Variants in ABR observed in about 807,000 individuals in gnomAD.
ABR encodes active breakpoint cluster region-related protein.
ABR carries 35 observed loss-of-function variants against 107.2 expected under a neutral mutation model. The observed-to-expected ratio is 0.33, with a 90% CI of 0.25 to 0.43. The LOEUF (loss-of-function observed/expected upper bound fraction) is 0.43. Ranked by LOEUF, ABR falls within the 20% of genes least tolerant of loss-of-function variation. The pLI, the probability that ABR is intolerant of heterozygous loss-of-function variation, is 1.00. For missense variants in ABR, 815 were observed against 1,115.2 expected, an observed-to-expected ratio of 0.73 and a Z score of 3.83; for synonymous variants, 498 against 462.0, an observed-to-expected ratio of 1.08 and a Z score of -1.00.
In ABR at chr17:1,079,193, G is replaced by A. The variant is rs2036002323; in HGVS notation, c.700+137C>T. 2.3e-5 allele frequency: 34 copies of A among 1,480,638 alleles called. 1 individual carries two copies. The East Asian group carries it at 4.7e-4, about 21-fold the overall frequency. The allele number at this position is 1,480,638 out of a possible 1,614,324, so 91.7% of individuals were successfully genotyped here. On this transcript the variant is annotated intron_variant, in intron 6 of 22. Transcript: ENST00000302538. ...ACGCGCACTCAGCTCACACTCACAC[G>A]CGCTCACACACGCTCACGCTCACAC...
chr17:1,019,042 C>T (rs1004644160), intron 16 of ABR, among the ~76,000 whole-genome samples: 1 of 152,298 alleles, frequency 6.6e-6, no homozygotes, highest in East Asian at 1.9e-4. Context: ...CTGCTGCTTC[C>T]TCAGAAAGGC....
chr17:1,109,122 CGGGAGGA>C (rs983798909), intron 2 of ABR: 103 of 1,130,994 alleles, frequency 9.1e-5, no homozygotes, highest in East Asian at 2.5e-4. Context: ...GCAGCGGCGG[CGGGAGGA>C]GGGAGGAGGG....
chr17:1,201,472 G>A (rs546483928), intron 1 of ABR, among the ~76,000 whole-genome samples: 58 of 152,062 alleles, frequency 3.8e-4, no homozygotes, highest in Non-Finnish European at 7.2e-4. Context: ...TTATGTGAGC[G>A]TGTATAACAC....
Position 1,004,932 on chromosome 17 carries a change from G to A in ABR, c.*1148C>T. ...AAAATCTAAGGCAAGAGTACCACGAGGTCCTGCGGTGCCAGGGAGCTCCTG... is the reference window on the plus strand; with the variant it reads ...AAAATCTAAGGCAAGAGTACCACGAAGTCCTGCGGTGCCAGGGAGCTCCTG... On this transcript the variant is annotated 3_prime_UTR_variant, in exon 23 of 23. Transcript: ENST00000302538. 1 of 398,542 alleles carries A rather than the reference G, an allele frequency of 2.5e-6. No homozygotes were observed. The highest frequency in any genetic ancestry group is 4.4e-5 in the Admixed American group (1 of 22,738). The allele number at this position is 398,542 out of a possible 1,614,324, so 24.7% of individuals were successfully genotyped here.
chr17:1,152,168 T>TA (rs1241583615), intron 1 of ABR, among the ~76,000 whole-genome samples: 1 of 152,144 alleles, frequency 6.6e-6, no homozygotes, highest in Non-Finnish European at 1.5e-5. Context: ...CAGGTGCCTG[T>TA]AGTCCCATCT....
At chr17:1,110,245 T>C (rs1176544906) in intron 2 of ABR, among the ~76,000 whole-genome samples, 1 of 151,884 alleles carries the variant, frequency 6.6e-6, no homozygotes, top group African/African-American at 2.4e-5. Flanking sequence ...AGTTCCCAGA[T>C]GCACATACAC....
intron 1 of ABR, among the ~76,000 whole-genome samples, chr17:1,170,018 T>G (rs796408088): frequency 3.1e-3 from 411 of 131,508 alleles, no homozygotes; most frequent in African/African-American, 9.1e-3. Flanking sequence ...GGGGGGGGGG[T>G]GTGTTTGTGT....
At chr17:1,087,890 G>T (rs58948008) in intron 4 of ABR, among the ~76,000 whole-genome samples, 79,640 of 151,994 alleles carry the variant, frequency 0.52, 21,124 homozygotes, top group Middle Eastern at 0.62. Flanking sequence ...CACCCCAGGC[G>T]GTAGGGCCCG....
intron 5 of ABR, 64 bp from the exon 6 acceptor site, chr17:1,079,454 G>A (rs547226560): frequency 2.7e-6 from 4 of 1,474,298 alleles, no homozygotes; most frequent in African/African-American, 2.8e-5. Flanking sequence ...CCCCCACTGT[G>A]AGCCTGGCAA....
chr17:1,014,242 C>T (rs1211290337), intron 16 of ABR, among the ~76,000 whole-genome samples: 1 of 151,936 alleles, frequency 6.6e-6, no homozygotes, highest in Non-Finnish European at 1.5e-5. Context: ...GAGATCGAGA[C>T]CATCCTGGCT....
Position 1,027,995 on chromosome 17 carries a change from C to G in ABR, c.1792-14831G>C, listed in dbSNP as rs1251104090. 2.0e-5 allele frequency among the ~76,000 whole-genome samples: 3 copies of G among 152,178 alleles called. No homozygotes were observed. In the East Asian group the frequency reaches 5.8e-4, roughly 29 times the overall value. The stretch of plus-strand genomic sequence containing the variant: ...TGAACCTCTGGGGTGTGCACGTGGT[C>G]TGCACACCTGGTACCATCAAGAAGG... On this transcript the variant is annotated intron_variant, in intron 16 of 22. Transcript: ENST00000302538. This position sits in a 1 kb window ranked among gnomAD's most constrained non-coding sequence, Gnocchi z 4.7.
intron 1 of ABR, among the ~76,000 whole-genome samples, chr17:1,131,177 C>T (rs1381079570): frequency 1.7e-5 from 2 of 121,108 alleles, no homozygotes; most frequent in Non-Finnish European, 3.4e-5. Context: ...CGCACAGCTC[C>T]CCCCTTTGCA....
chr17:1,167,485 T>C (rs2041558056), intron 1 of ABR, among the ~76,000 whole-genome samples: 1 of 152,196 alleles, frequency 6.6e-6, no homozygotes, highest in Non-Finnish European at 1.5e-5. Flanking sequence ...GGTGAAAGGC[T>C]GGTCCCCCGA....
upstream of ABR, among the ~76,000 whole-genome samples, chr17:1,180,925 T>A (rs547274195): frequency 1.3e-5 from 2 of 151,512 alleles, no homozygotes; most frequent in South Asian, 4.2e-4. Context: ...GCCAGGGGGG[T>A]CCAGGGCAGT....
upstream of ABR, among the ~76,000 whole-genome samples, chr17:1,180,053 G>C: frequency 7.7e-6 from 1 of 130,496 alleles, no homozygotes; most frequent in East Asian, 2.2e-4. Flanking sequence ...GCGGGGCTTT[G>C]GTGCGGGGGC....
In ABR at chr17:1,150,426, G is replaced by A. The variant is rs7218472; in HGVS notation, c.62-25059C>T. Among the ~76,000 whole-genome samples the A allele has an allele frequency of 1.8e-3, 267 of 152,308 alleles. No homozygotes were observed. Among genetic ancestry groups the A allele is most frequent in the African/African-American group, 6.2e-3 (259 of 41,568 alleles). ...CTGTATGATTCCACTCTGAAGAGGT[G>A]CTCAGAGCAGTCAGATTCGTCCAGA... On this transcript the variant is annotated intron_variant, in intron 1 of 22. Transcript: ENST00000302538. This position sits in a 1 kb window ranked among gnomAD's most constrained non-coding sequence, Gnocchi z 4.8.
Position 1,214,732 on chromosome 17 carries a change from C to A in ABR, c.838+14061G>T, listed in dbSNP as rs61654665. ...AGGAGAATCGCTTGAACCTGGGAGG[C>A]GGATGTTGCAGCGAGCCAAGATCGT... On this transcript the variant is annotated intron_variant, in intron 1 of 22. Transcript: ENST00000574139. Among the ~76,000 whole-genome samples, 755 of 152,082 alleles carry A rather than the reference C, an allele frequency of 5.0e-3. 36 individuals carry two copies. In the East Asian group the frequency reaches 0.097, roughly 20 times the overall value.
At chr17:1,131,165 C>T (rs1341199397) in intron 1 of ABR, among the ~76,000 whole-genome samples, 2 of 133,148 alleles carry the variant, frequency 1.5e-5, no homozygotes, top group African/African-American at 2.9e-5. Flanking sequence ...GTGCCTGCCA[C>T]GCGCACAGCT....
chr17:1,036,653 G>A (rs996881219), intron 16 of ABR, among the ~76,000 whole-genome samples: 2 of 151,700 alleles, frequency 1.3e-5, no homozygotes, highest in Non-Finnish European at 2.9e-5. Context: ...GCCCACACAG[G>A]GCGTGCGAGT....
Sources: allele counts gnomAD v4.1 joint callset (sites outside exome capture counted in the v4.1 genomes callset), GRCh38; gene constraint gnomAD v4.1.1; non-coding constraint Gnocchi (gnomAD v3.1); transcripts MANE v1.5; gene names NCBI Gene and HGNC (gene_info 2026-07-23, HGNC 2026-07-21).